AUTS2: variants seen among roughly 807,000 people sequenced by gnomAD.
AUTS2 encodes autism susceptibility gene 2 protein.
Under a neutral mutation model 112.4 loss-of-function variants are expected in AUTS2, and 17 were observed. That is an observed-to-expected ratio of 0.15 (90% CI 0.10 to 0.23). AUTS2 has a LOEUF of 0.23. Among genes scored for constraint, AUTS2 ranks in the 10% least tolerant of loss-of-function variants. AUTS2 has a pLI of 1.00. For missense variants in AUTS2, 1,510 were observed against 1,701.6 expected (o/e 0.89, Z 1.98); for synonymous variants, 751 against 702.7 (o/e 1.07, Z -1.09).
chr7:69,750,496 G>C lies in AUTS2; in HGVS notation c.310-148790G>C, dbSNP rs1396705104. ...GTTAGTAGTAGTAGTAGTAGTAGTA[G>C]TAGTAGCAGTAGTAGTAGTAGTTTT... On this transcript the variant is annotated intron_variant, in intron 1 of 18. Coordinates refer to ENST00000342771, the MANE Select transcript of AUTS2 (RefSeq NM_015570.4). 3.3e-5 allele frequency among the ~76,000 whole-genome samples: 5 copies of C among 150,474 alleles called. No individual in the cohort carries two copies. The East Asian group carries it at 9.7e-4, about 29-fold the overall frequency.
At chr7:70,619,128 T>A (rs1477113613) in intron 5 of AUTS2, among the ~76,000 whole-genome samples, 3 of 151,872 alleles carry the variant, frequency 2.0e-5, no homozygotes, top group Admixed American at 6.6e-5. Flanking sequence ...CAGCAGACCT[T>A]CCCCCCCTCC....
At position 70,173,360 on chromosome 7, in the gene AUTS2, CAAA is replaced by C. The variant is rs770800747; in HGVS notation, c.660+38802_660+38804del. On this transcript the variant is annotated intron_variant, in intron 4 of 18. Transcript: ENST00000342771. ...TGGGCAACAGAGCGGGACCCCGTCT[CAAA>C]AAAAAAAAAAAAGAAAGAGAGAAAG... Among the ~76,000 whole-genome samples, 13 of 88,528 alleles carry C rather than the reference CAAA, an allele frequency of 1.5e-4. No homozygotes were observed. The South Asian group carries it at 2.1e-3, about 14-fold the overall frequency. The allele number at this position is 88,528 out of a possible 152,430, so 58.1% of individuals were successfully genotyped here. A position where few individuals can be genotyped will look rare whatever the true frequency, so the allele number is the denominator to read the frequency against.
At chr7:70,128,392 A>G (rs190840248) in intron 3 of AUTS2, among the ~76,000 whole-genome samples, 1 of 152,204 alleles carries the variant, frequency 6.6e-6, no homozygotes, top group African/African-American at 2.4e-5. Context: ...TTCTAATAGA[A>G]TGTTTTCTGA....
intron 5 of AUTS2, among the ~76,000 whole-genome samples, chr7:70,454,857 C>G (rs1447278595): frequency 1.6e-4 from 25 of 152,292 alleles, no homozygotes; most frequent in Non-Finnish European, 1.3e-4. Context: ...GAATTCATAC[C>G]TCCCAAGGCT....
chr7:69,790,565 T>C (rs1188147740), intron 1 of AUTS2, among the ~76,000 whole-genome samples: 1 of 152,238 alleles, frequency 6.6e-6, no homozygotes, highest in Non-Finnish European at 1.5e-5. Context: ...TTGAGTAAGC[T>C]ATAACTCTAT....
chr7:70,773,829 C>G (rs911319974), intron 11 of AUTS2, among the ~76,000 whole-genome samples, 199 bp from the exon 12 acceptor site: 1 of 152,158 alleles, frequency 6.6e-6, no homozygotes, highest in Non-Finnish European at 1.5e-5. Flanking sequence ...TTTTACATGC[C>G]ATTGCTGGAG....
chr7:69,856,194 G>A (rs537696301), intron 1 of AUTS2, among the ~76,000 whole-genome samples: 1 of 152,156 alleles, frequency 6.6e-6, no homozygotes, highest in East Asian at 1.9e-4. Context: ...GAAATAGGCT[G>A]AGTCCCAAGG....
intron 4 of AUTS2, among the ~76,000 whole-genome samples, chr7:70,350,972 CT>C (rs1013152252): frequency 1.4e-4 from 21 of 150,108 alleles, no homozygotes; most frequent in Middle Eastern, 3.5e-3. Flanking sequence ...TCATGCAGTA[CT>C]TTTTTTTTCT....
intron 4 of AUTS2, among the ~76,000 whole-genome samples, chr7:70,364,250 T>G (rs1273704202): frequency 6.6e-6 from 1 of 151,472 alleles, no homozygotes; most frequent in Non-Finnish European, 1.5e-5. Context: ...TAGTAGGCAG[T>G]CAGTAAATAG....
At chr7:70,685,889 T>G (rs886574619) in intron 5 of AUTS2, among the ~76,000 whole-genome samples, 1 of 152,158 alleles carries the variant, frequency 6.6e-6, no homozygotes, top group African/African-American at 2.4e-5. Flanking sequence ...CTACCAGCAA[T>G]TGCAGAGACT....
chr7:70,436,249 G>A (rs1795888973), intron 5 of AUTS2: 1 of 154,732 alleles, frequency 6.5e-6, no homozygotes, highest in Non-Finnish European at 1.4e-5. Flanking sequence ...TCTCATCATG[G>A]GGTACGGGTG....
At chr7:70,245,264 A>G (rs1283903785) in intron 4 of AUTS2, among the ~76,000 whole-genome samples, 1 of 151,674 alleles carries the variant, frequency 6.6e-6, no homozygotes, top group Admixed American at 6.6e-5. Flanking sequence ...AACTTTATTC[A>G]TGCAGGTAAA....
At chr7:69,921,646 C>T (rs1442325116) in intron 2 of AUTS2, among the ~76,000 whole-genome samples, 1 of 150,958 alleles carries the variant, frequency 6.6e-6, no homozygotes, top group Non-Finnish European at 1.5e-5. Flanking sequence ...TGGTGTGTGC[C>T]TATAATCCCA....
At chr7:70,178,452 T>C (rs1168791229) in intron 4 of AUTS2, among the ~76,000 whole-genome samples, 1 of 152,164 alleles carries the variant, frequency 6.6e-6, no homozygotes, top group Non-Finnish European at 1.5e-5. Flanking sequence ...TTCCTGTTCC[T>C]GTTGCCAGTT....
intron 2 of AUTS2, among the ~76,000 whole-genome samples, chr7:69,931,515 G>A (rs944684761): frequency 6.6e-6 from 1 of 152,022 alleles, no homozygotes; most frequent in Admixed American, 6.5e-5. Context: ...TCCTTTTTCT[G>A]TTCTGCTGTA....
chr7:70,229,623 G>A (rs1318400760), intron 4 of AUTS2, among the ~76,000 whole-genome samples: 1 of 152,040 alleles, frequency 6.6e-6, no homozygotes, highest in Non-Finnish European at 1.5e-5. Context: ...TTAAATTGGG[G>A]GAGGTTTTTA....
At chr7:70,720,601 C>T (rs756950752) in intron 6 of AUTS2, among the ~76,000 whole-genome samples, 1 of 152,176 alleles carries the variant, frequency 6.6e-6, no homozygotes, top group Non-Finnish European at 1.5e-5. Flanking sequence ...CTGGTTCCCT[C>T]TAAAAAGGTC....
intron 2 of AUTS2, among the ~76,000 whole-genome samples, chr7:70,081,969 C>T (rs1027550447): frequency 6.8e-5 from 10 of 147,122 alleles, no homozygotes; most frequent in South Asian, 2.2e-4. Context: ...TGTGTGTGCG[C>T]GCGCCTGTGT....
chr7:70,556,084 G>A (rs1174943105), intron 5 of AUTS2, among the ~76,000 whole-genome samples: 1 of 152,142 alleles, frequency 6.6e-6, no homozygotes, highest in Non-Finnish European at 1.5e-5. Context: ...GGGATTACAG[G>A]CATGAGCCAC....
Sources: gnomAD v4.1 joint callset for allele counts (sites outside exome capture counted in the v4.1 genomes callset) on GRCh38, gnomAD v4.1.1 for gene constraint, MANE v1.5 for transcripts, NCBI Gene and HGNC (gene_info 2026-07-23, HGNC 2026-07-21) for gene names.